The following ASZ1 variants were observed in gnomAD, a reference collection of about 807,000 sequenced individuals.
ASZ1 encodes ankyrin repeat, SAM and basic leucine zipper domain containing 1.
Under a neutral mutation model 61.8 loss-of-function variants are expected in ASZ1, and 67 were observed. The ratio of observed to expected loss-of-function variants is 1.08; its 90% CI spans 0.89 to 1.33. ASZ1 has a LOEUF of 1.33. ASZ1 is among the 40% of genes most tolerant of loss of function. The probability of loss-of-function intolerance (pLI) is 0.00; values close to 1 mark genes in which losing one functional copy is unlikely to be tolerated. For synonymous variants in ASZ1, 193 were observed against 192.7 expected (o/e 1.00, Z -0.01); for missense variants, 577 against 554.5 (o/e 1.04, Z -0.41).
chr7:117,414,926 A>C (rs1387970741), intron 4 of ASZ1, among the ~76,000 whole-genome samples: 1 of 150,340 alleles, frequency 6.7e-6, no homozygotes, highest in African/African-American at 2.5e-5. Flanking sequence ...TATTGTGAAC[A>C]GTGCCGCAAT....
At chr7:117,398,874 C>T (rs1225528897) in intron 4 of ASZ1, among the ~76,000 whole-genome samples, 1 of 152,116 alleles carries the variant, frequency 6.6e-6, no homozygotes, top group Non-Finnish European at 1.5e-5. Flanking sequence ...CGTGCACCTA[C>T]CTCTAAACTG....
chr7:117,364,356 C>CTG (rs138013762), intron 12 of ASZ1, among the ~76,000 whole-genome samples: 3,464 of 151,722 alleles, frequency 0.023, 125 homozygotes, highest in African/African-American at 0.08. Flanking sequence ...CCCCTACCTA[C>CTG]TGTGTGTGTG....
chr7:117,375,313 CTTAT>C (rs1737489194), intron 10 of ASZ1, among the ~76,000 whole-genome samples: 1 of 151,952 alleles, frequency 6.6e-6, no homozygotes, highest in Non-Finnish European at 1.5e-5. Context: ...AAACTGTTAT[CTTAT>C]TTATTCTGGA....
At position 117,427,421 on chromosome 7, in the gene ASZ1, C is replaced by T. The variant is rs1235632372; in HGVS notation, c.40G>A (p.Gly14Arg). Reference protein sequence around the residue: ...SALRGLPVAGGGESSESEDDG... With the variant: ...SALRGLPVAGRGESSESEDDG... ...TCCTCGCTCTCGCTACTCTCGCCTCCGCCAGCCACTGGCAGGCCTCGCAGC... is the reference window on the plus strand; with the variant it reads ...TCCTCGCTCTCGCTACTCTCGCCTCTGCCAGCCACTGGCAGGCCTCGCAGC... The change falls in exon 1 of 13, where the codon GGA becomes AGA. Residue 14 changes from glycine to arginine, a missense_variant. Physicochemically the swap from Gly to Arg is moderately radical, Grantham distance 125 (BLOSUM62 -2). Coordinates refer to ENST00000284629, the MANE Select transcript of ASZ1 (RefSeq NM_130768.3). The T allele has an allele frequency of 6.2e-7, 1 of 1,614,102 alleles. No individual in the cohort carries two copies. The highest frequency in any genetic ancestry group is 8.5e-7 in the Non-Finnish European group (1 of 1,180,018).
intron 4 of ASZ1, among the ~76,000 whole-genome samples, chr7:117,414,385 G>T (rs550717242): frequency 1.3e-5 from 2 of 152,188 alleles, no homozygotes; most frequent in East Asian, 3.9e-4. Flanking sequence ...AACAAAATTT[G>T]GGTGCAATAT....
At chr7:117,371,952 G>T (rs1001669998) in intron 10 of ASZ1, among the ~76,000 whole-genome samples, 1 of 152,096 alleles carries the variant, frequency 6.6e-6, no homozygotes. Context: ...AGCAAAATTA[G>T]TCTTAATGAA....
intron 4 of ASZ1, among the ~76,000 whole-genome samples, chr7:117,409,541 T>A (rs994217101): frequency 2.0e-5 from 3 of 151,828 alleles, no homozygotes; most frequent in African/African-American, 7.2e-5. Flanking sequence ...GAAGAACACA[T>A]TCAAATAGGG....
chr7:117,364,543 CAAAGATCCTTG>C (rs573092302), intron 12 of ASZ1, among the ~76,000 whole-genome samples: 139 of 151,768 alleles, frequency 9.2e-4, no homozygotes, highest in African/African-American at 3.3e-3. Context: ...AAGCAGAAAC[CAAAGATCCTTG>C]AAAGATAAAA....
At chr7:117,412,472 T>C (rs1417036907) in intron 4 of ASZ1, among the ~76,000 whole-genome samples, 1 of 151,936 alleles carries the variant, frequency 6.6e-6, no homozygotes, top group African/African-American at 2.4e-5. Context: ...TACATTTTTA[T>C]CTACTAAACT....
intron 4 of ASZ1, among the ~76,000 whole-genome samples, chr7:117,386,141 G>T (rs1796352000): frequency 6.6e-6 from 1 of 152,180 alleles, no homozygotes; most frequent in Non-Finnish European, 1.5e-5. Flanking sequence ...CTATGCTTAT[G>T]CTAGGAATAT....
At chr7:117,384,981 G>T in intron 5 of ASZ1, 121 bp from the exon 6 acceptor site, 1 of 868,696 alleles carries the variant, frequency 1.2e-6, no homozygotes, top group Non-Finnish European at 1.6e-6. Context: ...TTAATGGAAT[G>T]ATGCAATCTC....
intron 4 of ASZ1, among the ~76,000 whole-genome samples, chr7:117,390,895 G>T (rs974918477): frequency 9.2e-5 from 14 of 151,750 alleles, no homozygotes; most frequent in African/African-American, 3.4e-4. Flanking sequence ...GTAGACACTG[G>T]GTTTCACCAT....
At chr7:117,384,632 T>C in intron 6 of ASZ1, 94 bp downstream of exon 6, 1 of 1,386,126 alleles carries the variant, frequency 7.2e-7, no homozygotes. Flanking sequence ...TACACTATAA[T>C]TACACTTTTA....
At chr7:117,379,170 C>T (rs13229151) in intron 10 of ASZ1, among the ~76,000 whole-genome samples, 12,873 of 44,716 alleles carry the variant, frequency 0.29, 862 homozygotes, top group Non-Finnish European at 0.41. Flanking sequence ...TATATATATA[C>T]ACACACACAC....
At chr7:117,397,170 G>A (rs977663586) in intron 4 of ASZ1, among the ~76,000 whole-genome samples, 2 of 152,066 alleles carry the variant, frequency 1.3e-5, no homozygotes, top group Non-Finnish European at 2.9e-5. Flanking sequence ...GAGCCCAGGA[G>A]TTCAAAACCA....
chr7:117,395,380 A>AATC (rs1225768464), intron 4 of ASZ1, among the ~76,000 whole-genome samples: 1 of 152,120 alleles, frequency 6.6e-6, no homozygotes, highest in Non-Finnish European at 1.5e-5. Flanking sequence ...GAATTTTTAG[A>AATC]ATCATTTCAT....
chr7:117,381,528 G>T (rs1300824362), intron 8 of ASZ1, among the ~76,000 whole-genome samples: 1 of 152,052 alleles, frequency 6.6e-6, no homozygotes, highest in Non-Finnish European at 1.5e-5. Context: ...ATCTTAAATA[G>T]TGCTTTACTG....
rs563149003 is a variant in ASZ1 at position 117,426,875 on chromosome 7, T to A, written c.166A>T (p.Ile56Phe). 1.2e-6 allele frequency: 2 copies of A among 1,613,382 alleles called. No individual in the cohort carries two copies. The highest frequency in any genetic ancestry group is 2.2e-5 in the South Asian group (2 of 90,764). The change falls in exon 2 of 13, where the codon ATC (isoleucine) becomes TTC (phenylalanine). Residue 56 changes from isoleucine to phenylalanine, a missense_variant. Physicochemically the swap from Ile to Phe is conservative, Grantham distance 21. Transcript: ENST00000284629. ...TCCTGGACCAATGAAACATCTCCGA[T>A]GGTCATTGCTTTCTTAAATTTTTCT... ...KKEKFKKAMT[I>F]GDVSLVQELL...
intron 4 of ASZ1, among the ~76,000 whole-genome samples, chr7:117,406,326 A>T (rs1796780607): frequency 6.6e-6 from 1 of 152,222 alleles, no homozygotes; most frequent in East Asian, 1.9e-4. Flanking sequence ...AAGAAAAATG[A>T]TCCCTGATTA....
Sources: allele counts gnomAD v4.1 joint callset (sites outside exome capture counted in the v4.1 genomes callset), GRCh38; gene constraint gnomAD v4.1.1; transcripts MANE v1.5; gene names NCBI Gene and HGNC (gene_info 2026-07-23, HGNC 2026-07-21).